The following ANKRD13A variants were observed in gnomAD, a reference collection of about 807,000 sequenced individuals.
The protein encoded by ANKRD13A is ankyrin repeat domain-containing protein 13A.
Under a neutral mutation model 81.3 loss-of-function variants are expected in ANKRD13A, and 48 were observed. The ratio of observed to expected loss-of-function variants is 0.59; its 90% CI spans 0.47 to 0.75. The LOEUF (loss-of-function observed/expected upper bound fraction) is 0.75. ANKRD13A is among the 30% of genes least tolerant of loss of function. ANKRD13A has a pLI of 0.00. For missense variants in ANKRD13A, 612 were observed against 734.0 expected, an observed-to-expected ratio of 0.83 and a Z score of 1.92; for synonymous variants, 230 against 270.1, an observed-to-expected ratio of 0.85 and a Z score of 1.45.
chr12:110,020,719 G>T (rs1454201912), intron 6 of ANKRD13A, among the ~76,000 whole-genome samples: 2 of 152,222 alleles, frequency 1.3e-5, no homozygotes, highest in Admixed American at 1.3e-4. Flanking sequence ...ACCCCAGAAG[G>T]CAGAGGAAGC....
chr12:110,024,178 G>A, intron 7 of ANKRD13A, 66 bp downstream of exon 7: 2 of 1,440,704 alleles, frequency 1.4e-6, no homozygotes, highest in East Asian at 4.6e-5. Flanking sequence ...TGAGGAATCT[G>A]TTCCCATTTT....
At chr12:110,016,341 T>C in intron 3 of ANKRD13A, 47 bp from the exon 4 acceptor site, 2 of 1,455,358 alleles carry the variant, frequency 1.4e-6, no homozygotes, top group Admixed American at 2.0e-5. Flanking sequence ...TATGTTGTGT[T>C]GATAGTGCCA....
In ANKRD13A at chr12:110,038,891, G is replaced by A. The variant is rs1372543418; in HGVS notation, c.*1337G>A. On this transcript the variant is annotated 3_prime_UTR_variant, in exon 15 of 15. Coordinates refer to ENST00000261739, the MANE Select transcript of ANKRD13A (RefSeq NM_033121.2). ...CCCACAGGCTGCACTGAAATAACCT[G>A]GTAAACAACACCCTCCTCCATTTTG... 3.9e-5 allele frequency: 6 copies of A among 151,998 alleles called. No individual in the cohort carries two copies. The highest frequency in any genetic ancestry group is 6.6e-5 in the Admixed American group (1 of 15,256). 9.4% of individuals were successfully genotyped at this position (151,998 alleles called of 1,614,324 possible).
intron 3 of ANKRD13A, among the ~76,000 whole-genome samples, chr12:110,014,641 T>C (rs1004891131): frequency 6.6e-6 from 1 of 152,180 alleles, no homozygotes; most frequent in Non-Finnish European, 1.5e-5. Flanking sequence ...TTCTTGGAGG[T>C]TGTCTTTGCT....
rs1892049103 is a variant in ANKRD13A at position 110,036,372 on chromosome 12, G to A, written c.1577+44G>A. The stretch of plus-strand genomic sequence containing the variant: ...TCTGGAATAAACCAGGGTGAACACA[G>A]GCCTGGACACAGGCGAGCAGACGCG... On this transcript the variant is annotated intron_variant, in intron 14 of 14. Coordinates refer to ENST00000261739, the MANE Select transcript of ANKRD13A (RefSeq NM_033121.2). This position sits in a 1 kb window ranked among gnomAD's most constrained non-coding sequence, Gnocchi z 4.6. 2 of 1,590,782 alleles carry A rather than the reference G, an allele frequency of 1.3e-6. No individual in the cohort carries two copies. Among genetic ancestry groups the A allele is most frequent in the East Asian group, 4.5e-5 (2 of 44,744 alleles).
Position 110,039,065 on chromosome 12 carries a change from TTTG to T in ANKRD13A, c.*1514_*1516del, listed in dbSNP as rs943017354. 4.1e-5 allele frequency: 6 copies of T among 147,022 alleles called. No individual in the cohort carries two copies. The highest frequency in any genetic ancestry group is 1.3e-4 in the African/African-American group (5 of 37,300). The allele number at this position is 147,022 out of a possible 1,614,324, so 9.1% of individuals were successfully genotyped here. On this transcript the variant is annotated 3_prime_UTR_variant, in exon 15 of 15. Coordinates refer to ENST00000261739, the MANE Select transcript of ANKRD13A (RefSeq NM_033121.2). The stretch of plus-strand genomic sequence containing the variant: ...CTTTTAATTCCATTTCACAATCTGT[TTTG>T]TTTTTTTTTTTTGTCATTGTCTGAC...
chr12:110,021,390 CATTTT>C lies in ANKRD13A; in HGVS notation c.734+2063_734+2067del, dbSNP rs1436771392. 4 of 159,698 alleles carry C rather than the reference CATTTT, an allele frequency of 2.5e-5. No homozygotes were observed. The East Asian group carries it at 7.5e-4, about 30-fold the overall frequency. The allele number at this position is 159,698 out of a possible 1,614,324, so 9.9% of individuals were successfully genotyped here. A position where few individuals can be genotyped will look rare whatever the true frequency, so the allele number is the denominator to read the frequency against. ...GAATTTGGAAGGTGTGGCCTTCTCTCATTTTCTTTTCTTTCTTTCTTTTCTTTTTT... is the reference window on the plus strand; with the variant it reads ...GAATTTGGAAGGTGTGGCCTTCTCTCCTTTTCTTTCTTTCTTTTCTTTTTT... On this transcript the variant is annotated intron_variant, in intron 6 of 14. Transcript: ENST00000261739.
intron 12 of ANKRD13A, among the ~76,000 whole-genome samples, chr12:110,031,412 C>T (rs925624120): frequency 1.3e-5 from 2 of 151,342 alleles, no homozygotes; most frequent in South Asian, 4.2e-4. Flanking sequence ...CATGCAGTGG[C>T]ACAATCTCTG....
intron 1 of ANKRD13A, among the ~76,000 whole-genome samples, chr12:110,001,876 T>A (rs1157720468): frequency 6.6e-6 from 1 of 152,242 alleles, no homozygotes. Flanking sequence ...ACTGATCATT[T>A]AATTCCTTTT....
At position 110,002,689 on chromosome 12, in the gene ANKRD13A, G is replaced by T. The variant is rs868231303; in HGVS notation, c.96+2905G>T. Among the ~76,000 whole-genome samples the T allele has an allele frequency of 2.0e-5, 3 of 152,312 alleles. No homozygotes were observed. In the East Asian group the frequency reaches 5.8e-4, roughly 29 times the overall value. Reference sequence around the variant, plus strand: ...GGCTGTTTCCCTTAATGTTTTGTTTGCTGGTGAGTTTCTGCTGTCAGTTTC... The same window carrying T: ...GGCTGTTTCCCTTAATGTTTTGTTTTCTGGTGAGTTTCTGCTGTCAGTTTC... On this transcript the variant is annotated intron_variant, in intron 1 of 14. Transcript: ENST00000261739.
chr12:110,020,700 C>G (rs1282550645), intron 6 of ANKRD13A, among the ~76,000 whole-genome samples: 1 of 152,242 alleles, frequency 6.6e-6, no homozygotes, highest in Non-Finnish European at 1.5e-5. Context: ...GCTTAGGGCT[C>G]TGTTCATAAC....
rs1446325816 is a variant in ANKRD13A, at chr12:110,018,064, A to G, written c.401-281A>G. 6.6e-6 allele frequency among the ~76,000 whole-genome samples: 1 copy of G among 152,218 alleles called. No individual in the cohort carries two copies. Among genetic ancestry groups the G allele is most frequent in the Non-Finnish European group, 1.5e-5 (1 of 68,030 alleles). On this transcript the variant is annotated intron_variant, in intron 4 of 14. Coordinates refer to ENST00000261739, the MANE Select transcript of ANKRD13A (RefSeq NM_033121.2). This position sits in a 1 kb window ranked among gnomAD's most constrained non-coding sequence, Gnocchi z 4.4. ...AAGGCCAGATGTACAGACCTTATAT[A>G]GTGGGGACAGACCCCACTATAAATT... is the stretch of plus-strand genomic sequence containing the variant.
At chr12:110,011,121 A>C (rs1284443084) in intron 1 of ANKRD13A, among the ~76,000 whole-genome samples, 1 of 152,056 alleles carries the variant, frequency 6.6e-6, no homozygotes, top group African/African-American at 2.4e-5. Flanking sequence ...AAAAAAAAAA[A>C]AGGTTGTACT....
In ANKRD13A at chr12:110,019,232, T is replaced by G. The variant is rs755461267; in HGVS notation, c.638T>G (p.Leu213Arg). The G allele has an allele frequency of 6.2e-7, 1 of 1,614,176 alleles. No individual in the cohort carries two copies. Among genetic ancestry groups the G allele is most frequent in the East Asian group, 2.2e-5 (1 of 44,890 alleles). The change falls in exon 6 of 15, where the codon CTG becomes CGG. Residue 213 changes from leucine (L) to arginine (R), a missense_variant. Transcript: ENST00000261739. ...DLSQEMERLT[L>R]DLMKPKSREV... ...TCCCAAGAAATGGAGCGCCTCACTC[T>G]GGACTTGATGAAGCCAAAAAGCAGG...
chr12:110,027,402 G>C, intron 8 of ANKRD13A: 1 of 340,746 alleles, frequency 2.9e-6, no homozygotes, highest in Non-Finnish European at 5.5e-6. Flanking sequence ...CTGAGGCCCA[G>C]AACACATGGG....
At chr12:110,023,958 G>T (rs774680548) in intron 6 of ANKRD13A, 88 bp from the exon 7 acceptor site, 2 of 1,301,042 alleles carry the variant, frequency 1.5e-6, no homozygotes, top group African/African-American at 3.0e-5. Context: ...AACTTAAGCT[G>T]GGGGGGAAAA....
At position 110,018,526 on chromosome 12, in the gene ANKRD13A, A is replaced by G. The variant is rs769427800; in HGVS notation, c.544+38A>G. ...TCTTGTAGTAATCACTGCTCAAGCA[A>G]AATTACAGGGTGATTTTTAACCAAG... On this transcript the variant is annotated intron_variant, in intron 5 of 14. Transcript: ENST00000261739. The surrounding 1 kb of genome is among the most constrained non-coding windows in gnomAD (Gnocchi z 4.4). 5 of 1,597,698 alleles carry G rather than the reference A, an allele frequency of 3.1e-6. No homozygotes were observed. The South Asian group carries it at 4.5e-5, about 14-fold the overall frequency.
At chr12:110,008,095 A>G (rs1262843024) in intron 1 of ANKRD13A, among the ~76,000 whole-genome samples, 1 of 152,234 alleles carries the variant, frequency 6.6e-6, no homozygotes. Context: ...GGAAACATCC[A>G]GTCTTTCACC....
intron 8 of ANKRD13A, among the ~76,000 whole-genome samples, chr12:110,026,042 A>G (rs193156190): frequency 1.4e-3 from 206 of 149,352 alleles, no homozygotes; most frequent in Non-Finnish European, 2.4e-3. Flanking sequence ...GCTCACTGCA[A>G]CCTCTGCCTC....
Sources: allele counts gnomAD v4.1 joint callset (sites outside exome capture counted in the v4.1 genomes callset), GRCh38; gene constraint gnomAD v4.1.1; non-coding constraint Gnocchi (gnomAD v3.1); transcripts MANE v1.5; gene names NCBI Gene and HGNC (gene_info 2026-07-23, HGNC 2026-07-21).